TMEM114: variants seen among roughly 807,000 people sequenced by gnomAD.
The protein encoded by TMEM114 is transmembrane protein 114.
Under a neutral mutation model 6.2 loss-of-function variants are expected in TMEM114, and 6 were observed. The ratio of observed to expected loss-of-function variants is 0.97; its 90% CI spans 0.53 to 1.91. The LOEUF (loss-of-function observed/expected upper bound fraction) is 1.91. Among genes scored for constraint, TMEM114 ranks in the 40% most tolerant of loss-of-function variants. The probability of loss-of-function intolerance (pLI) is 0.01; values close to 1 mark genes in which losing one functional copy is unlikely to be tolerated. For synonymous variants in TMEM114, 104 were observed against 73.0 expected, an observed-to-expected ratio of 1.42 and a Z score of -2.16; for missense variants, 218 against 158.3, an observed-to-expected ratio of 1.38 and a Z score of -2.02.
At chr16:8,534,249 T>C (rs1263800925), downstream of TMEM114, among the ~76,000 whole-genome samples, 1 of 151,946 alleles carries the variant, frequency 6.6e-6, no homozygotes, top group African/African-American at 2.4e-5. Context: ...AATTAATCTG[T>C]GCAAATGTAA....
downstream of TMEM114, among the ~76,000 whole-genome samples, chr16:8,565,643 GC>G (rs2141677500): frequency 6.6e-6 from 1 of 152,164 alleles, no homozygotes; most frequent in South Asian, 2.1e-4. Flanking sequence ...CTCTCATCTG[GC>G]CCTGGGAGGC....
rs142580804 is a variant in TMEM114 at position 8,549,393 on chromosome 16, G to A, written n.213-11567C>T. On this transcript the variant is annotated intron_variant and non_coding_transcript_variant, in intron 2 of 2. Transcript: ENST00000623677. ...TGGGCACCTGTAGTCTCAGCTACTC[G>A]GGAGGCTGAGGAAGGAGAATCGCTT... Among the ~76,000 whole-genome samples, 27 of 151,540 alleles carry A rather than the reference G, an allele frequency of 1.8e-4. No individual in the cohort carries two copies. In the East Asian group the frequency reaches 4.1e-3, roughly 23 times the overall value.
chr16:8,563,473 ATGAG>A (rs1196022836), intron 2 of TMEM114, among the ~76,000 whole-genome samples: 32 of 147,226 alleles, frequency 2.2e-4, no homozygotes, highest in South Asian at 6.6e-4. Flanking sequence ...GAGTAAGTGA[ATGAG>A]TGAGTAAGTG....
downstream of TMEM114, among the ~76,000 whole-genome samples, chr16:8,565,360 T>G (rs1901505902): frequency 6.6e-6 from 1 of 152,114 alleles, no homozygotes. Context: ...AGTGAATAAA[T>G]GAATGAGTGA....
At chr16:8,532,114 G>C in the TMEM114 span, 1 of 152,180 alleles carries the variant, frequency 6.6e-6, no homozygotes, top group African/African-American at 2.4e-5. Flanking sequence ...GTACTACGTA[G>C]GGTTCAGCTC....
intron 2 of TMEM114, among the ~76,000 whole-genome samples, chr16:8,583,773 G>A (rs747245997): frequency 5.9e-5 from 9 of 151,790 alleles, no homozygotes; most frequent in African/African-American, 2.2e-4. Context: ...CACACAGCTA[G>A]CAAGAAGGCC....
At chr16:8,557,317 C>T (rs78892367) in intron 2 of TMEM114, among the ~76,000 whole-genome samples, 6 of 152,202 alleles carry the variant, frequency 3.9e-5, no homozygotes, top group Non-Finnish European at 7.4e-5. Flanking sequence ...CCATATAAGC[C>T]TCCCAAAAGC....
At chr16:8,561,138 A>T (rs950823485) in intron 2 of TMEM114, among the ~76,000 whole-genome samples, 6 of 152,208 alleles carry the variant, frequency 3.9e-5, no homozygotes, top group African/African-American at 1.2e-4. Flanking sequence ...CTGCAACTCA[A>T]GATGAGATTT....
intron 2 of TMEM114, among the ~76,000 whole-genome samples, chr16:8,575,120 A>C (rs767479353): frequency 1.4e-4 from 22 of 152,210 alleles, no homozygotes; most frequent in Non-Finnish European, 3.2e-4. Flanking sequence ...GAAGTGGTGG[A>C]TATGTAGTTT....
At chr16:8,559,282 A>G (rs1256066070) in intron 2 of TMEM114, among the ~76,000 whole-genome samples, 1 of 152,082 alleles carries the variant, frequency 6.6e-6, no homozygotes, top group Non-Finnish European at 1.5e-5. Context: ...ACCTCAAGTG[A>G]TCCGCCCACC....
At chr16:8,554,117 G>A (rs1317838716) in intron 2 of TMEM114, among the ~76,000 whole-genome samples, 1 of 152,124 alleles carries the variant, frequency 6.6e-6, no homozygotes, top group Non-Finnish European at 1.5e-5. Context: ...GAGCTCAGGT[G>A]ATCCACCCGA....
chr16:8,546,763 C>T (rs115013235), intron 2 of TMEM114, among the ~76,000 whole-genome samples: 131 of 152,360 alleles, frequency 8.6e-4, no homozygotes, highest in African/African-American at 3.0e-3. Flanking sequence ...ACAACAGCTG[C>T]AATCAGAGCA....
At chr16:8,527,214 T>A in the TMEM114 span, among the ~76,000 whole-genome samples, 7 of 152,102 alleles carry the variant, frequency 4.6e-5, no homozygotes, top group African/African-American at 7.2e-5. Context: ...GTGTCTCAAT[T>A]AATAAATAAA....
chr16:8,576,023 T>C (rs953193483), intron 2 of TMEM114, among the ~76,000 whole-genome samples: 2 of 152,146 alleles, frequency 1.3e-5, no homozygotes, highest in East Asian at 3.9e-4. Flanking sequence ...ACTGCGGTGT[T>C]CTGCTGGATA....
chr16:8,528,441 T>A, the TMEM114 span, among the ~76,000 whole-genome samples: 1 of 152,116 alleles, frequency 6.6e-6, no homozygotes, highest in South Asian at 2.1e-4. Flanking sequence ...CCCCCAAACA[T>A]AGACAGCTGT....
chr16:8,562,332 ATGAGTGAATGAGTGAGTGAGTGAATTAG>A (rs1405637687), intron 2 of TMEM114, among the ~76,000 whole-genome samples: 1 of 101,956 alleles, frequency 9.8e-6, no homozygotes, highest in Non-Finnish European at 2.1e-5. Flanking sequence ...GAGGGAGGGA[ATGAGTGAATGAGTGAGTGAGTGAATTAG>A]TGAGTGAATG....
chr16:8,588,075 C>T (rs1219553686), intron 2 of TMEM114, among the ~76,000 whole-genome samples: 2 of 151,992 alleles, frequency 1.3e-5, no homozygotes, highest in African/African-American at 2.4e-5. Flanking sequence ...CACTTGAGGT[C>T]AGGAGTTCGA....
chr16:8,535,222 G>C (rs1291527713), downstream of TMEM114, among the ~76,000 whole-genome samples: 1 of 149,752 alleles, frequency 6.7e-6, no homozygotes, highest in African/African-American at 2.4e-5. Context: ...AGATACTAAG[G>C]CACTAGGAAG....
At chr16:8,574,317 G>A (rs1901840887) in intron 2 of TMEM114, among the ~76,000 whole-genome samples, 2 of 152,176 alleles carry the variant, frequency 1.3e-5, no homozygotes, top group South Asian at 4.1e-4. Flanking sequence ...GTAGTAAGAT[G>A]TGCAGTGTTG....
Sources: allele counts gnomAD v4.1 joint callset (sites outside exome capture counted in the v4.1 genomes callset), GRCh38; gene constraint gnomAD v4.1.1; transcripts MANE v1.5; gene names NCBI Gene and HGNC (gene_info 2026-07-23, HGNC 2026-07-21).